PLCZ1: variants seen among roughly 807,000 people sequenced by gnomAD.
PLCZ1 encodes the protein 1-phosphatidylinositol 4,5-bisphosphate phosphodiesterase zeta-1.
In PLCZ1, 64 loss-of-function variants were observed where a neutral mutation model predicts 76.8. The observed-to-expected ratio is 0.83, with a 90% confidence interval of 0.68 to 1.03. The LOEUF (loss-of-function observed/expected upper bound fraction) is 1.03. Among genes scored for constraint, PLCZ1 ranks in the 50% least tolerant of loss-of-function variants. PLCZ1 has a pLI of 0.00. For missense variants in PLCZ1, 751 were observed against 713.7 expected (o/e 1.05, Z -0.60); for synonymous variants, 248 against 230.8 (o/e 1.07, Z -0.68).
intron 9 of PLCZ1, among the ~76,000 whole-genome samples, chr12:18,700,385 C>T (rs375710896): frequency 3.9e-4 from 59 of 151,760 alleles, no homozygotes; most frequent in African/African-American, 1.3e-3. Flanking sequence ...TTTGGGAAAA[C>T]ATTTCTTGCT....
At chr12:18,704,903 T>G (rs1293900511) in intron 7 of PLCZ1, among the ~76,000 whole-genome samples, 5 of 152,076 alleles carry the variant, frequency 3.3e-5, no homozygotes, top group Admixed American at 6.6e-5. Context: ...TAATACTAAT[T>G]GCTTTGATAT....
At chr12:18,716,163 G>C (rs1957963124) in intron 5 of PLCZ1, among the ~76,000 whole-genome samples, 1 of 151,928 alleles carries the variant, frequency 6.6e-6, no homozygotes, top group Non-Finnish European at 1.5e-5. Flanking sequence ...GATTATGACG[G>C]TAAATTGTCT....
intron 11 of PLCZ1, among the ~76,000 whole-genome samples, chr12:18,695,788 GTATAAA>G (rs1954891451): frequency 6.6e-6 from 1 of 152,118 alleles, no homozygotes; most frequent in Non-Finnish European, 1.5e-5. Flanking sequence ...CTCATGTAAA[GTATAAA>G]TGATAGAGGT....
At position 18,684,296 on chromosome 12, in the gene PLCZ1, G is replaced by A. The variant is rs571633517; in HGVS notation, c.1592-17C>T. 98 of 1,588,416 alleles carry A rather than the reference G, an allele frequency of 6.2e-5. 2 individuals carry two copies. In the South Asian group the frequency reaches 1.1e-3, roughly 17 times the overall value. On this transcript the variant is annotated splice_polypyrimidine_tract_variant and intron_variant, in intron 13 of 14. Transcript: ENST00000266505. ...GACTAAAAGCTGAAATATAAAAAAA[G>A]AAGATACAAAGAATAATAGATACCA...
the PLCZ1 span, among the ~76,000 whole-genome samples, chr12:18,676,538 G>C: frequency 6.6e-6 from 1 of 152,052 alleles, no homozygotes; most frequent in Non-Finnish European, 1.5e-5. Context: ...TACATACATG[G>C]TAGTTATGTT....
intron 14 of PLCZ1, chr12:18,683,701 C>T: frequency 9.1e-7 from 1 of 1,097,172 alleles, no homozygotes; most frequent in Non-Finnish European, 1.2e-6. Context: ...GGAAAGGTGA[C>T]TCTGCAACAT....
the PLCZ1 span, among the ~76,000 whole-genome samples, chr12:18,650,760 A>G: frequency 8.1e-5 from 9 of 110,536 alleles, no homozygotes; most frequent in Admixed American, 3.0e-4. Flanking sequence ...ATATATATAT[A>G]TATATTCCAG....
chr12:18,729,840 T>C (rs149276549), intron 3 of PLCZ1, among the ~76,000 whole-genome samples: 1 of 152,232 alleles, frequency 6.6e-6, no homozygotes, highest in East Asian at 1.9e-4. Context: ...AAAGTTATAT[T>C]TTCTTTACTC....
At chr12:18,677,813 T>A in the PLCZ1 span, among the ~76,000 whole-genome samples, 1 of 152,084 alleles carries the variant, frequency 6.6e-6, no homozygotes, top group South Asian at 2.1e-4. Flanking sequence ...CTAAAAAATA[T>A]AAGCACAAAT....
Position 18,683,266 on chromosome 12 carries a change from C to T in PLCZ1, c.1800G>A (p.Leu600=). The T allele has an allele frequency of 3.1e-6, 5 of 1,612,514 alleles. No homozygotes were observed. The highest frequency in any genetic ancestry group is 3.4e-6 in the Non-Finnish European group (4 of 1,178,990). ...ATCTGACGTACCAAACATAAACAAACAGTGAAGCAGGCTCAAGGCTCTCAC... is the reference window on the plus strand; with the variant it reads ...ATCTGACGTACCAAACATAAACAAATAGTGAAGCAGGCTCAAGGCTCTCAC... ...RMGESLEPAS[L]FVYVWYVR Residue 600 remains leucine (L), a synonymous_variant, in exon 15 of 15, where the codon CTG becomes CTA. Transcript: ENST00000266505.
the PLCZ1 span, among the ~76,000 whole-genome samples, chr12:18,654,353 A>G: frequency 6.4e-3 from 970 of 152,170 alleles, 8 homozygotes; most frequent in African/African-American, 0.023. Flanking sequence ...GAGCAGATAT[A>G]ATGATTTCCT....
intron 12 of PLCZ1, among the ~76,000 whole-genome samples, chr12:18,689,401 C>T (rs538316864): frequency 1.1e-3 from 168 of 152,318 alleles, no homozygotes; most frequent in Non-Finnish European, 1.2e-3. Context: ...TGCGGCCCAA[C>T]GCAAATTCAT....
intron 12 of PLCZ1, chr12:18,693,796 G>T (rs57221397): frequency 4.6e-6 from 7 of 1,510,036 alleles, no homozygotes; most frequent in Non-Finnish European, 6.4e-6. Flanking sequence ...TGGATCCAGC[G>T]CTTATCAGAC....
the PLCZ1 span, among the ~76,000 whole-genome samples, chr12:18,674,454 C>T: frequency 8.9e-4 from 136 of 152,248 alleles, no homozygotes; most frequent in African/African-American, 3.0e-3. Context: ...ATGCCTGGCA[C>T]GTGATATTTT....
chr12:18,710,880 A>G (rs1347510444), intron 6 of PLCZ1, among the ~76,000 whole-genome samples: 3 of 152,110 alleles, frequency 2.0e-5, no homozygotes, highest in African/African-American at 7.2e-5. Context: ...AAAGTCAGGA[A>G]ACAACAGGTG....
downstream of PLCZ1, among the ~76,000 whole-genome samples, chr12:18,679,193 A>G (rs565657726): frequency 9.5e-4 from 144 of 152,052 alleles, no homozygotes; most frequent in Non-Finnish European, 1.8e-3. Context: ...TTAAGGTGTA[A>G]GTATTCTTCA....
At chr12:18,723,939 A>C (rs1217994996) in intron 3 of PLCZ1, among the ~76,000 whole-genome samples, 2 of 152,258 alleles carry the variant, frequency 1.3e-5, no homozygotes, top group African/African-American at 4.8e-5. Flanking sequence ...TTCAAGATCA[A>C]TGTAAACTGC....
the PLCZ1 span, among the ~76,000 whole-genome samples, chr12:18,669,322 T>C: frequency 3.2e-3 from 491 of 152,334 alleles, 3 homozygotes; most frequent in African/African-American, 0.011. Context: ...TGGTCTCTTG[T>C]ATTCTTACTA....
At chr12:18,727,588 TAGAG>T (rs1331619718) in intron 3 of PLCZ1, among the ~76,000 whole-genome samples, 1 of 152,012 alleles carries the variant, frequency 6.6e-6, no homozygotes, top group Non-Finnish European at 1.5e-5. Context: ...AGAGTGTAAT[TAGAG>T]AGAATGTTAG....
Sources: gnomAD v4.1 joint callset for allele counts (sites outside exome capture counted in the v4.1 genomes callset) on GRCh38, gnomAD v4.1.1 for gene constraint, MANE v1.5 for transcripts, NCBI Gene and HGNC (gene_info 2026-07-23, HGNC 2026-07-21) for gene names.